The following ZFHX3 variants were observed in gnomAD, a reference collection of about 807,000 sequenced individuals.
ZFHX3 encodes the protein zinc finger homeobox protein 3.
A neutral mutation model predicts 279.1 loss-of-function variants in ZFHX3; 42 were observed. The ratio of observed to expected loss-of-function variants is 0.15; its 90% CI spans 0.12 to 0.19. The LOEUF (loss-of-function observed/expected upper bound fraction) is 0.19, where lower values mean the gene tolerates loss of function less well. Ranked by LOEUF, ZFHX3 falls within the 10% of genes least tolerant of loss-of-function variation. The pLI, the probability that ZFHX3 is intolerant of heterozygous loss-of-function variation, is 1.00. For synonymous variants in ZFHX3, 2,293 were observed against 1,957.8 expected (o/e 1.17, Z -4.52); for missense variants, 4,981 against 4,754.0 (o/e 1.05, Z -1.40).
chr16:72,798,391 A>G lies in ZFHX3; in HGVS notation c.4291T>C (p.Cys1431Arg), dbSNP rs2035987769. ...CGGAAACTGCGCTGACAAAGACAGCACATGGTGGCAGCTCTGATCACATGG... is the reference window on the plus strand; with the variant it reads ...CGGAAACTGCGCTGACAAAGACAGCGCATGGTGGCAGCTCTGATCACATGG... ...QYHVIRAATM[C>R]CLCQRSFRTF... Residue 1431 changes from cysteine (C) to arginine (R), a missense_variant, in exon 9 of 10, where the codon TGC becomes CGC. Coordinates refer to ENST00000268489, the MANE Select transcript of ZFHX3 (RefSeq NM_006885.4). 6.2e-7 allele frequency: 1 copy of G among 1,614,106 alleles called. No individual in the cohort carries two copies. Among genetic ancestry groups the G allele is most frequent in the Admixed American group, 1.7e-5 (1 of 60,002 alleles).
intron 2 of ZFHX3, among the ~76,000 whole-genome samples, chr16:73,532,498 A>G (rs2019823477): frequency 2.0e-5 from 3 of 152,136 alleles, no homozygotes; most frequent in Non-Finnish European, 2.9e-5. Flanking sequence ...ATGGAGTAAT[A>G]TAGTAGTCAT....
chr16:73,598,601 G>A (rs2052078093), intron 2 of ZFHX3, among the ~76,000 whole-genome samples: 2 of 151,494 alleles, frequency 1.3e-5, no homozygotes, highest in Non-Finnish European at 2.9e-5. Flanking sequence ...AAATTTTTTT[G>A]TAGAGTCAGA....
intron 3 of ZFHX3, among the ~76,000 whole-genome samples, chr16:72,935,189 G>A (rs572946378): frequency 3.9e-5 from 6 of 152,296 alleles, no homozygotes; most frequent in African/African-American, 1.2e-4. Context: ...CGCATAGCGG[G>A]TGCTCAAGGA....
intron 1 of ZFHX3, among the ~76,000 whole-genome samples, chr16:72,993,601 G>T (rs1405029271): frequency 6.6e-6 from 1 of 152,138 alleles, no homozygotes; most frequent in African/African-American, 2.4e-5. Context: ...CAACAGCACA[G>T]CAGCGCCTGT....
At chr16:73,153,181 T>A (rs187863937) in intron 5 of ZFHX3, among the ~76,000 whole-genome samples, 2 of 152,316 alleles carry the variant, frequency 1.3e-5, no homozygotes, top group Admixed American at 1.3e-4. Flanking sequence ...GAAGCCTGGA[T>A]GTTCATTCCC....
intron 1 of ZFHX3, among the ~76,000 whole-genome samples, chr16:73,010,268 C>T (rs1304299177): frequency 6.6e-6 from 1 of 152,148 alleles, no homozygotes; most frequent in Admixed American, 6.5e-5. Context: ...ACTGTGCCAC[C>T]TGCATCGCCC....
At chr16:73,365,074 G>A (rs938126826) in intron 3 of ZFHX3, among the ~76,000 whole-genome samples, 1 of 152,162 alleles carries the variant, frequency 6.6e-6, no homozygotes, top group South Asian at 2.1e-4. Context: ...TCACTGAGAC[G>A]ATGTTTGTGA....
chr16:73,346,049 C>G (rs2099022763), intron 3 of ZFHX3, among the ~76,000 whole-genome samples: 1 of 152,160 alleles, frequency 6.6e-6, no homozygotes, highest in Non-Finnish European at 1.5e-5. Flanking sequence ...CTCTGAGACC[C>G]TTCTCATCCT....
At chr16:73,856,110 T>C (rs1454767329) in intron 1 of ZFHX3, among the ~76,000 whole-genome samples, 2 of 152,326 alleles carry the variant, frequency 1.3e-5, no homozygotes, top group Admixed American at 6.5e-5. Context: ...CAAAGACTTA[T>C]GTACATTTTG....
At chr16:73,521,788 T>C (rs933253653) in intron 2 of ZFHX3, among the ~76,000 whole-genome samples, 3 of 152,202 alleles carry the variant, frequency 2.0e-5, no homozygotes, top group African/African-American at 7.2e-5. Flanking sequence ...GGAACTCTGA[T>C]CAAAATGGCA....
rs1288929612 is a variant in ZFHX3 at position 72,797,501 on chromosome 16, CTGT to C, written c.5178_5180del (p.Gln1741del). ...GTTGTTGTTGTTGCTGTTGCTGCTG[CTGT>C]TGTTGCTGCTGCCTGGATGCAATCA... is the stretch of plus-strand genomic sequence containing the variant. On this transcript the variant is annotated inframe_deletion, in exon 9 of 10. Transcript: ENST00000268489. The C allele has an allele frequency of 5.6e-6, 9 of 1,613,380 alleles. No individual in the cohort carries two copies. Among genetic ancestry groups the C allele is most frequent in the East Asian group, 2.2e-5 (1 of 44,848 alleles).
At chr16:73,765,175 T>C (rs1268192666) in intron 1 of ZFHX3, among the ~76,000 whole-genome samples, 1 of 152,118 alleles carries the variant, frequency 6.6e-6, no homozygotes, top group African/African-American at 2.4e-5. Context: ...ACAAAACTCA[T>C]TCACATTGAT....
chr16:72,936,481 CCTT>C (rs1442519303), intron 3 of ZFHX3, among the ~76,000 whole-genome samples: 3 of 152,292 alleles, frequency 2.0e-5, no homozygotes, highest in Non-Finnish European at 2.9e-5. Context: ...TGGTGTAGCT[CCTT>C]GAGACTGGGT....
At position 73,730,119 on chromosome 16, in the gene ZFHX3, C is replaced by T. The variant is rs545779172; in HGVS notation, c.-1607-49879G>A. On this transcript the variant is annotated intron_variant, in intron 1 of 17. Transcript: ENST00000641206. ...TCTTCTACATGGTTAACAGAGAAGA[C>T]TACCATAGAACAGGTTGCTACTTTT... Among the ~76,000 whole-genome samples, 105 of 152,194 alleles carry T rather than the reference C, an allele frequency of 6.9e-4. 1 individual carries two copies. Among genetic ancestry groups the T allele is most frequent in the Non-Finnish European group, 8.7e-4 (59 of 68,024 alleles).
intron 7 of ZFHX3, among the ~76,000 whole-genome samples, chr16:73,094,055 G>T (rs1047872471): frequency 6.6e-6 from 1 of 152,156 alleles, no homozygotes; most frequent in Non-Finnish European, 1.5e-5. Context: ...GTGGGGTTGA[G>T]TGTGGACCCC....
At chr16:73,844,390 T>C (rs1165255407) in intron 1 of ZFHX3, among the ~76,000 whole-genome samples, 1 of 152,062 alleles carries the variant, frequency 6.6e-6, no homozygotes, top group Non-Finnish European at 1.5e-5. Context: ...CCTGTTCTTA[T>C]GAGTGAAGAT....
chr16:72,975,776 C>T (rs1962322698), intron 1 of ZFHX3, among the ~76,000 whole-genome samples: 3 of 152,190 alleles, frequency 2.0e-5, no homozygotes, highest in Admixed American at 2.0e-4. Context: ...ACACCCTCAC[C>T]AACTCAGCAA....
At chr16:73,113,200 G>C (rs1305381277) in intron 7 of ZFHX3, among the ~76,000 whole-genome samples, 1 of 152,110 alleles carries the variant, frequency 6.6e-6, no homozygotes, top group South Asian at 2.1e-4. Context: ...TGGAGAAAGA[G>C]AGTGGGAGAT....
chr16:73,104,231 A>ATTTATTTATTTATTTAT (rs1444485475), intron 7 of ZFHX3, among the ~76,000 whole-genome samples: 1 of 151,780 alleles, frequency 6.6e-6, no homozygotes, highest in Non-Finnish European at 1.5e-5. Flanking sequence ...GTATTTATTT[A>ATTTATTTATTTATTTAT]TTTATTTTAT....
Sources: gnomAD v4.1 joint callset for allele counts (sites outside exome capture counted in the v4.1 genomes callset) on GRCh38, gnomAD v4.1.1 for gene constraint, MANE v1.5 for transcripts, NCBI Gene and HGNC (gene_info 2026-07-23, HGNC 2026-07-21) for gene names.